RALGAPA1: variants seen among roughly 807,000 people sequenced by gnomAD.
The protein encoded by RALGAPA1 is ral GTPase-activating protein subunit alpha-1.
Under a neutral mutation model 269.6 loss-of-function variants are expected in RALGAPA1, and 52 were observed. The ratio of observed to expected loss-of-function variants is 0.19; its 90% CI spans 0.15 to 0.24. The LOEUF (loss-of-function observed/expected upper bound fraction) is 0.24, where lower values mean the gene tolerates loss of function less well. Among genes scored for constraint, RALGAPA1 ranks in the 10% least tolerant of loss-of-function variants. RALGAPA1 has a pLI of 1.00. For missense variants in RALGAPA1, 1,917 were observed against 3,013.9 expected (o/e 0.64, Z 8.52); for synonymous variants, 817 against 1,008.3 (o/e 0.81, Z 3.60).
rs768230222 is a variant in RALGAPA1 at position 35,672,996 on chromosome 14, T to C, written c.4944A>G (p.Lys1648=). Residue 1648 remains lysine (K), a synonymous_variant, in exon 25 of 42, where the codon AAA becomes AAG. Coordinates refer to ENST00000680220, the MANE Select transcript of RALGAPA1 (RefSeq NM_001346249.2). ...GTTTATATGCATGTAATTTACCTTGTTTATATTTATCAGTCAACATGGTTG... is the reference window on the plus strand; with the variant it reads ...GTTTATATGCATGTAATTTACCTTGCTTATATTTATCAGTCAACATGGTTG... ...FKATMLTDKY[K]QGKLHAYKLI... 5 of 1,529,934 alleles carry C rather than the reference T, an allele frequency of 3.3e-6. No individual in the cohort carries two copies. The highest frequency in any genetic ancestry group is 4.4e-6 in the Non-Finnish European group (5 of 1,138,012). The allele number at this position is 1,529,934 out of a possible 1,614,324, so 94.8% of individuals were successfully genotyped here.
At chr14:35,644,158 T>C (rs2062221350) in intron 31 of RALGAPA1, among the ~76,000 whole-genome samples, 1 of 152,178 alleles carries the variant, frequency 6.6e-6, no homozygotes, top group African/African-American at 2.4e-5. Flanking sequence ...TCCATAAATA[T>C]ATACACCTAC....
chr14:35,574,375 A>G (rs2057409378), intron 37 of RALGAPA1, among the ~76,000 whole-genome samples: 1 of 152,196 alleles, frequency 6.6e-6, no homozygotes, highest in South Asian at 2.1e-4. Context: ...TCTGTATAGT[A>G]TTAAAAGTCT....
intron 12 of RALGAPA1, among the ~76,000 whole-genome samples, chr14:35,733,191 C>A (rs964112641): frequency 6.6e-6 from 1 of 152,002 alleles, no homozygotes; most frequent in African/African-American, 2.4e-5. Context: ...TTTAAAAATT[C>A]TTCTGGCTGG....
intron 37 of RALGAPA1, among the ~76,000 whole-genome samples, chr14:35,585,560 T>C (rs2058224875): frequency 1.3e-5 from 2 of 152,234 alleles, no homozygotes; most frequent in African/African-American, 4.8e-5. Flanking sequence ...TATTCTCTAA[T>C]AAATCTAGTG....
chr14:35,583,632 C>CA (rs2058091417), intron 37 of RALGAPA1, among the ~76,000 whole-genome samples: 1 of 151,998 alleles, frequency 6.6e-6, no homozygotes, highest in African/African-American at 2.4e-5. Context: ...GGGTAAATGT[C>CA]AAAAAACTAC....
intron 7 of RALGAPA1, among the ~76,000 whole-genome samples, chr14:35,754,490 G>A (rs1206096357): frequency 6.6e-6 from 1 of 152,068 alleles, no homozygotes; most frequent in Non-Finnish European, 1.5e-5. Context: ...TAGCTGTTAG[G>A]GAAATACAAA....
intron 17 of RALGAPA1, 123 bp downstream of exon 17, chr14:35,700,039 C>G: frequency 1.2e-6 from 1 of 812,684 alleles, no homozygotes; most frequent in Non-Finnish European, 1.8e-6. Context: ...AATCACTTTC[C>G]CACTTTCCCA....
At chr14:35,580,704 T>A (rs1029264714) in intron 37 of RALGAPA1, among the ~76,000 whole-genome samples, 3 of 152,118 alleles carry the variant, frequency 2.0e-5, no homozygotes, top group East Asian at 1.9e-4. Context: ...AATTTACAAA[T>A]CACATATTTT....
chr14:35,722,718 T>C (rs1368839937), intron 15 of RALGAPA1, among the ~76,000 whole-genome samples: 3 of 152,150 alleles, frequency 2.0e-5, no homozygotes, highest in East Asian at 3.8e-4. Context: ...ATTAGACAGA[T>C]ACATATTTCA....
intron 17 of RALGAPA1, among the ~76,000 whole-genome samples, chr14:35,694,664 G>T (rs1385916766): frequency 1.3e-5 from 2 of 151,422 alleles, no homozygotes; most frequent in Non-Finnish European, 2.9e-5. Context: ...TTAAAATTTT[G>T]AACATAAACT....
intron 12 of RALGAPA1, among the ~76,000 whole-genome samples, chr14:35,734,561 G>T (rs2070801614): frequency 6.6e-6 from 1 of 152,146 alleles, no homozygotes; most frequent in Admixed American, 6.5e-5. Flanking sequence ...ACTCAAGATG[G>T]ATTAAGGACT....
intron 11 of RALGAPA1, among the ~76,000 whole-genome samples, chr14:35,742,163 A>G (rs1330782566): frequency 1.3e-5 from 2 of 152,244 alleles, no homozygotes; most frequent in Non-Finnish European, 2.9e-5. Flanking sequence ...CCTCAATACT[A>G]ATTTTTAAAA....
intron 37 of RALGAPA1, among the ~76,000 whole-genome samples, chr14:35,587,948 C>A (rs1231307970): frequency 6.6e-6 from 1 of 152,184 alleles, no homozygotes; most frequent in Non-Finnish European, 1.5e-5. Flanking sequence ...CACTCTATCA[C>A]CAGGCTGGAG....
At chr14:35,556,807 G>T (rs1056779550) in intron 39 of RALGAPA1, among the ~76,000 whole-genome samples, 3 of 152,116 alleles carry the variant, frequency 2.0e-5, no homozygotes, top group African/African-American at 7.2e-5. Flanking sequence ...ATCCATAACA[G>T]GTGCTAAGGC....
chr14:35,758,650 G>A (rs1459321973), intron 6 of RALGAPA1, among the ~76,000 whole-genome samples: 2 of 152,076 alleles, frequency 1.3e-5, no homozygotes, highest in Non-Finnish European at 2.9e-5. Context: ...GAGGCTGGAG[G>A]ATTGTTTGAG....
In RALGAPA1 at chr14:35,661,208, G is replaced by A. The variant is rs117133510; in HGVS notation, c.5329-2012C>T. Among the ~76,000 whole-genome samples the A allele has an allele frequency of 1.5e-3, 235 of 152,172 alleles. 6 individuals are homozygous for A. In the East Asian group the frequency reaches 0.037, roughly 24 times the overall value. On this transcript the variant is annotated intron_variant, in intron 27 of 41. Transcript: ENST00000680220. Reference sequence around the variant, plus strand: ...GATTGATCTTTACCACACTGTATACGTGTTATCAAGACATCATATTGTACA... The same window carrying A: ...GATTGATCTTTACCACACTGTATACATGTTATCAAGACATCATATTGTACA...
In RALGAPA1 at chr14:35,688,833, GTGCTGCTAT is replaced by G. The variant is rs1345516108; in HGVS notation, c.3569_3577del (p.Asn1190_Ser1192del). 5.3e-6 allele frequency: 7 copies of G among 1,331,800 alleles called. No individual in the cohort carries two copies. In the East Asian group the frequency reaches 1.6e-4, roughly 30 times the overall value. The allele number at this position is 1,331,800 out of a possible 1,614,324, so 82.5% of individuals were successfully genotyped here. On this transcript the variant is annotated inframe_deletion, in exon 18 of 42. Transcript: ENST00000680220. ...ATTTGTGCTGGTATGGGTGTTGCTA[GTGCTGCTAT>G]TGCTGCTACCACTACTAAAGCCACC... is the stretch of plus-strand genomic sequence containing the variant.
intron 41 of RALGAPA1, chr14:35,541,674 C>G: frequency 2.2e-6 from 1 of 455,410 alleles, no homozygotes. Flanking sequence ...GCAGTAGTAG[C>G]TCATGCTTTT....
intron 20 of RALGAPA1, among the ~76,000 whole-genome samples, chr14:35,684,396 C>T (rs1182166659): frequency 2.0e-5 from 3 of 152,192 alleles, no homozygotes; most frequent in Non-Finnish European, 4.4e-5. Context: ...GTTCTGGGTA[C>T]TGTAGCATTG....
Sources: allele counts gnomAD v4.1 joint callset (sites outside exome capture counted in the v4.1 genomes callset), GRCh38; gene constraint gnomAD v4.1.1; transcripts MANE v1.5; gene names NCBI Gene and HGNC (gene_info 2026-07-23, HGNC 2026-07-21).